Variants in ARHGAP18 observed in about 807,000 individuals in gnomAD.
ARHGAP18 encodes Rho GTPase activating protein 18.
In ARHGAP18, 67 loss-of-function variants were observed where a neutral mutation model predicts 86.2. The ratio of observed to expected loss-of-function variants is 0.78; its 90% confidence interval spans 0.64 to 0.95. The LOEUF is 0.95. Among genes scored for constraint, ARHGAP18 ranks in the 40% least tolerant of loss-of-function variants. The pLI, the probability that ARHGAP18 is intolerant of heterozygous loss-of-function variation, is 0.00. For synonymous variants in ARHGAP18, 283 were observed against 280.4 expected (o/e 1.01, Z -0.09); for missense variants, 691 against 780.4 (o/e 0.89, Z 1.37).
chr6:129,590,884 T>G (rs1416935287), intron 12 of ARHGAP18, among the ~76,000 whole-genome samples: 3 of 152,160 alleles, frequency 2.0e-5, no homozygotes, highest in Non-Finnish European at 4.4e-5. Flanking sequence ...ATCCAAATTC[T>G]TACAACAATA....
At chr6:129,667,796 C>A (rs1274157367) in intron 1 of ARHGAP18, among the ~76,000 whole-genome samples, 2 of 151,664 alleles carry the variant, frequency 1.3e-5, no homozygotes, top group Non-Finnish European at 2.9e-5. Context: ...GGGCTCTTGG[C>A]CAAGAGGAGG....
At chr6:129,652,370 C>T (rs1331178417) in intron 1 of ARHGAP18, among the ~76,000 whole-genome samples, 1 of 152,198 alleles carries the variant, frequency 6.6e-6, no homozygotes, top group African/African-American at 2.4e-5. Context: ...TTTTATTGTT[C>T]TCGCCAAATC....
chr6:129,694,613 C>T (rs949030519), intron 1 of ARHGAP18, among the ~76,000 whole-genome samples: 2 of 152,154 alleles, frequency 1.3e-5, no homozygotes, highest in African/African-American at 4.8e-5. Context: ...TGTTGGAATA[C>T]AAAACGCTTA....
chr6:129,706,682 T>C (rs1294926416), intron 1 of ARHGAP18, among the ~76,000 whole-genome samples: 1 of 150,652 alleles, frequency 6.6e-6, no homozygotes, highest in Non-Finnish European at 1.5e-5. Flanking sequence ...AGGTCAGGAG[T>C]TCGAGACCAG....
chr6:129,636,848 G>A (rs919546045), intron 3 of ARHGAP18, among the ~76,000 whole-genome samples: 2 of 152,204 alleles, frequency 1.3e-5, no homozygotes, highest in African/African-American at 4.8e-5. Flanking sequence ...AAGCCAGAAT[G>A]TAAATCAACT....
At chr6:129,672,773 C>T (rs1774162710) in intron 1 of ARHGAP18, among the ~76,000 whole-genome samples, 1 of 152,182 alleles carries the variant, frequency 6.6e-6, no homozygotes, top group South Asian at 2.1e-4. Context: ...GAAGAATGCC[C>T]TCTTTCTCAA....
At chr6:129,593,080 C>T (rs1251576995) in intron 12 of ARHGAP18, among the ~76,000 whole-genome samples, 1 of 152,160 alleles carries the variant, frequency 6.6e-6, no homozygotes, top group Non-Finnish European at 1.5e-5. Flanking sequence ...TTAGACGATA[C>T]ACACGCCCAA....
intron 1 of ARHGAP18, among the ~76,000 whole-genome samples, chr6:129,669,544 G>A (rs891029398): frequency 7.9e-5 from 12 of 151,226 alleles, no homozygotes; most frequent in African/African-American, 2.9e-4. Context: ...CCAGCACTTT[G>A]GGAGGACAAG....
At chr6:129,693,958 C>T (rs1479673044) in intron 1 of ARHGAP18, among the ~76,000 whole-genome samples, 2 of 152,320 alleles carry the variant, frequency 1.3e-5, no homozygotes, top group African/African-American at 4.8e-5. Flanking sequence ...AAATTATTTA[C>T]TAAATGGCAG....
intron 13 of ARHGAP18, among the ~76,000 whole-genome samples, chr6:129,583,379 T>C (rs1452301683): frequency 3.3e-5 from 5 of 152,124 alleles, no homozygotes; most frequent in Non-Finnish European, 7.4e-5. Context: ...TACTCTAATA[T>C]AGTGAGAGGG....
chr6:129,618,641 T>A, intron 6 of ARHGAP18, 46 bp downstream of exon 6: 1 of 1,529,176 alleles, frequency 6.5e-7, no homozygotes, highest in South Asian at 1.3e-5. Flanking sequence ...AAGTCCATCC[T>A]TGCTATTTTA....
chr6:129,635,286 C>T (rs1773309893), intron 3 of ARHGAP18, among the ~76,000 whole-genome samples: 3 of 152,198 alleles, frequency 2.0e-5, no homozygotes, highest in African/African-American at 7.2e-5. Context: ...CTTCATCCTC[C>T]ACCTGAAGTC....
Position 129,625,733 on chromosome 6 carries a change from TA to T in ARHGAP18, c.786+3619del, listed in dbSNP as rs1562698163. ...TATATATTTATATATTATATATATTTATTATATATTTATATATTATATATTT... is the reference window on the plus strand; with the variant it reads ...TATATATTTATATATTATATATATTTTTATATATTTATATATTATATATTT... On this transcript the variant is annotated intron_variant, in intron 5 of 14. Transcript: ENST00000368149. Among the ~76,000 whole-genome samples, 68 of 25,066 alleles carry T rather than the reference TA, an allele frequency of 2.7e-3. 17 individuals carry two copies. The highest frequency in any genetic ancestry group is 3.9e-3 in the Non-Finnish European group (56 of 14,470). 16.4% of individuals were successfully genotyped at this position (25,066 alleles called of 152,430 possible).
chr6:129,580,600 C>T (rs904765306), intron 13 of ARHGAP18, among the ~76,000 whole-genome samples: 7 of 152,148 alleles, frequency 4.6e-5, no homozygotes, highest in Non-Finnish European at 1.0e-4. Flanking sequence ...ATAAGACATG[C>T]TTCTGACTGG....
At chr6:129,639,931 G>C (rs1773411566) in intron 2 of ARHGAP18, among the ~76,000 whole-genome samples, 1 of 150,866 alleles carries the variant, frequency 6.6e-6, no homozygotes, top group African/African-American at 2.4e-5. Context: ...TGTAATCCCA[G>C]CTACTAGGGA....
chr6:129,604,267 C>T (rs1788808627), intron 10 of ARHGAP18, among the ~76,000 whole-genome samples: 3 of 151,140 alleles, frequency 2.0e-5, no homozygotes, highest in Non-Finnish European at 4.4e-5. Flanking sequence ...AAGAACTATC[C>T]TATAATTTTA....
chr6:129,683,014 T>C (rs756702159), intron 1 of ARHGAP18, among the ~76,000 whole-genome samples: 26 of 151,872 alleles, frequency 1.7e-4, no homozygotes, highest in Non-Finnish European at 2.9e-4. Context: ...CAGACTTATA[T>C]ACTTCAGGAA....
At position 129,690,897 on chromosome 6, in the gene ARHGAP18, T is replaced by C. The variant is rs934178835; in HGVS notation, c.113+19127A>G. 3.3e-5 allele frequency among the ~76,000 whole-genome samples: 5 copies of C among 152,192 alleles called. No homozygotes were observed. In the East Asian group the frequency reaches 9.6e-4, roughly 29 times the overall value. ...TTCTTAAAATCTTTGAAATTGAAAA[T>C]TCATTTCAATGCTATCATTACTTAT... On this transcript the variant is annotated intron_variant, in intron 1 of 14. Transcript: ENST00000368149.
At chr6:129,622,350 C>T (rs1219894970) in intron 5 of ARHGAP18, among the ~76,000 whole-genome samples, 1 of 151,844 alleles carries the variant, frequency 6.6e-6, no homozygotes, top group African/African-American at 2.4e-5. Flanking sequence ...TTTTTAAGCC[C>T]TAAATGTTTC....
Sources: gnomAD v4.1 joint callset for allele counts (sites outside exome capture counted in the v4.1 genomes callset) on GRCh38, gnomAD v4.1.1 for gene constraint, MANE v1.5 for transcripts, NCBI Gene and HGNC (gene_info 2026-07-23, HGNC 2026-07-21) for gene names.